MCC: variants seen among roughly 807,000 people sequenced by gnomAD.
The protein encoded by MCC is MCC regulator of Wnt signaling pathway.
MCC carries 90 observed loss-of-function variants against 116.2 expected under a neutral mutation model. That is an observed-to-expected ratio of 0.77 (90% CI 0.65 to 0.92). The LOEUF (loss-of-function observed/expected upper bound fraction) is 0.92, where lower values mean the gene tolerates loss of function less well. Ranked by LOEUF, MCC falls within the 40% of genes least tolerant of loss-of-function variation. The pLI is 0.00. For synonymous variants in MCC, 578 were observed against 510.5 expected, an observed-to-expected ratio of 1.13 and a Z score of -1.78; for missense variants, 1,516 against 1,312.2, an observed-to-expected ratio of 1.16 and a Z score of -2.40.
chr5:113,303,267 A>G (rs967229135), intron 3 of MCC, among the ~76,000 whole-genome samples: 1 of 152,146 alleles, frequency 6.6e-6, no homozygotes, highest in Non-Finnish European at 1.5e-5. Flanking sequence ...AGGTCATGAG[A>G]ACATATGAGG....
Position 113,434,909 on chromosome 5 carries a change from C to T in MCC, c.171-49697G>A. On this transcript the variant is annotated intron_variant, in intron 1 of 18. Transcript: ENST00000408903. The surrounding 1 kb of genome is among the most constrained non-coding windows in gnomAD (Gnocchi z 4.2). ...CCGAGGCGCATGGGCCAGCAGTGTG[C>T]TCATTTACATCCTGGATAGAGAGTC... 2 of 1,529,724 alleles carry T rather than the reference C, an allele frequency of 1.3e-6. No homozygotes were observed. Among genetic ancestry groups the T allele is most frequent in the South Asian group, 1.3e-5 (1 of 78,432 alleles). The allele number at this position is 1,529,724 out of a possible 1,614,324, so 94.8% of individuals were successfully genotyped here. A position where few individuals can be genotyped will look rare whatever the true frequency, so the allele number is the denominator to read the frequency against.
intron 2 of MCC, among the ~76,000 whole-genome samples, chr5:113,375,239 C>G (rs1459309786): frequency 6.6e-6 from 1 of 151,896 alleles, no homozygotes; most frequent in Non-Finnish European, 1.5e-5. Context: ...TCAGCTTGGA[C>G]TTAATTTCTT....
rs557524432 is a variant in MCC, at chr5:113,208,217, T to C, written c.628-56795A>G. Among the ~76,000 whole-genome samples the C allele has an allele frequency of 3.3e-5, 5 of 152,286 alleles. No individual in the cohort carries two copies. In the East Asian group the frequency reaches 9.7e-4, roughly 29 times the overall value. ...ACTGAAGATATGTATCTTCAATACC[T>C]AACATAGTGACATATCACAGTCACC... On this transcript the variant is annotated intron_variant, in intron 3 of 18. Coordinates refer to ENST00000408903, the MANE Select transcript of MCC (RefSeq NM_001085377.2).
At chr5:113,236,570 A>C (rs1764138941) in intron 3 of MCC, among the ~76,000 whole-genome samples, 1 of 152,218 alleles carries the variant, frequency 6.6e-6, no homozygotes, top group Non-Finnish European at 1.5e-5. Flanking sequence ...TTAGATTATG[A>C]ATTATAAAAT....
chr5:113,213,141 C>A (rs1763191261), intron 3 of MCC, among the ~76,000 whole-genome samples: 1 of 152,148 alleles, frequency 6.6e-6, no homozygotes, highest in Non-Finnish European at 1.5e-5. Context: ...CATTGCTGCT[C>A]CTATTTGCCT....
intron 3 of MCC, among the ~76,000 whole-genome samples, chr5:113,187,421 T>G (rs1761946312): frequency 6.6e-6 from 1 of 152,150 alleles, no homozygotes; most frequent in Non-Finnish European, 1.5e-5. Context: ...CTCTGTTTCC[T>G]TTTAAGAAGA....
intron 8 of MCC, among the ~76,000 whole-genome samples, 162 bp from the exon 9 acceptor site, chr5:113,085,472 G>A (rs560796995): frequency 5.9e-5 from 9 of 151,900 alleles, no homozygotes; most frequent in East Asian, 1.9e-4. Flanking sequence ...TCCTTTTTTC[G>A]GACTAATAAT....
At chr5:113,144,160 G>T (rs1413321076) in intron 4 of MCC, among the ~76,000 whole-genome samples, 1 of 152,190 alleles carries the variant, frequency 6.6e-6, no homozygotes, top group Non-Finnish European at 1.5e-5. Context: ...AGGCAGAGGA[G>T]CTTCCCTTGC....
intron 3 of MCC, chr5:113,294,652 G>A (rs949423010): frequency 1.8e-6 from 2 of 1,095,894 alleles, no homozygotes; most frequent in South Asian, 8.8e-5. Context: ...CGGAGCCCGC[G>A]CGGGGACCCT....
At chr5:113,204,847 C>T (rs1248252757) in intron 3 of MCC, among the ~76,000 whole-genome samples, 1 of 152,196 alleles carries the variant, frequency 6.6e-6, no homozygotes, top group African/African-American at 2.4e-5. Flanking sequence ...ACTAAACAAT[C>T]AGTTTTGAAG....
chr5:113,369,142 A>G (rs904675930), intron 2 of MCC, among the ~76,000 whole-genome samples: 1 of 151,958 alleles, frequency 6.6e-6, no homozygotes, highest in Non-Finnish European at 1.5e-5. Flanking sequence ...ACTTCATTAC[A>G]TAGGCATGAT....
At chr5:113,073,488 T>C (rs1437232836) in intron 11 of MCC, among the ~76,000 whole-genome samples, 4 of 152,202 alleles carry the variant, frequency 2.6e-5, no homozygotes, top group African/African-American at 7.2e-5. Flanking sequence ...GAGTAAAATT[T>C]GTCCGTGGCA....
chr5:113,028,953 C>A lies in MCC; in HGVS notation c.2860G>T (p.Asp954Tyr). 6.2e-6 allele frequency: 10 copies of A among 1,613,766 alleles called. No homozygotes were observed. Among genetic ancestry groups the A allele is most frequent in the Non-Finnish European group, 8.5e-6 (10 of 1,179,830 alleles). The change falls in exon 18 of 19, where the codon GAT (aspartate) becomes TAT (tyrosine). Residue 954 changes from aspartate (D) to tyrosine (Y), a missense_variant. By Grantham distance (160) the Asp-to-Tyr change is radical. Coordinates refer to ENST00000408903, the MANE Select transcript of MCC (RefSeq NM_001085377.2). ...RHQQSAEFVN[D>Y]LKRANSNLVA... ...TTTTACCTGTTGGCCCGCTTTAGATCATTCACGAACTCTGCAGATTGCTGA... is the reference window on the plus strand; with the variant it reads ...TTTTACCTGTTGGCCCGCTTTAGATAATTCACGAACTCTGCAGATTGCTGA...
chr5:113,092,876 C>T (rs1336830130), intron 8 of MCC, among the ~76,000 whole-genome samples: 1 of 152,178 alleles, frequency 6.6e-6, no homozygotes, highest in African/African-American at 2.4e-5. Flanking sequence ...TAATTCCCAC[C>T]AGGCCGGAGG....
chr5:113,044,374 T>C, intron 16 of MCC: 1 of 484,928 alleles, frequency 2.1e-6, no homozygotes, highest in Non-Finnish European at 2.7e-6. Flanking sequence ...AATCCTATAG[T>C]TAAGACTATT....
At chr5:113,486,230 A>C (rs1280278838) in intron 1 of MCC, among the ~76,000 whole-genome samples, 2 of 152,252 alleles carry the variant, frequency 1.3e-5, no homozygotes, top group Non-Finnish European at 2.9e-5. Flanking sequence ...GTTATGATTT[A>C]GGGTTCATTA....
intron 3 of MCC, among the ~76,000 whole-genome samples, chr5:113,177,209 G>T (rs1485816395): frequency 6.6e-6 from 1 of 152,082 alleles, no homozygotes; most frequent in African/African-American, 2.4e-5. Context: ...TCTTTCGGTG[G>T]CCTTGTTTCT....
chr5:113,294,467 C>T, intron 3 of MCC: 4 of 1,603,372 alleles, frequency 2.5e-6, no homozygotes, highest in Non-Finnish European at 3.4e-6. Context: ...ATATCCACTG[C>T]TTGGTCCCTT....
chr5:113,445,500 T>C (rs909723588), intron 1 of MCC, among the ~76,000 whole-genome samples: 2 of 152,020 alleles, frequency 1.3e-5, no homozygotes, highest in African/African-American at 4.8e-5. Flanking sequence ...CCATTTATAA[T>C]AGCCACACGA....
Sources: gnomAD v4.1 joint callset for allele counts (sites outside exome capture counted in the v4.1 genomes callset) on GRCh38, gnomAD v4.1.1 for gene constraint, Gnocchi (gnomAD v3.1) non-coding constraint, MANE v1.5 for transcripts, NCBI Gene and HGNC (gene_info 2026-07-23, HGNC 2026-07-21) for gene names.